Variants in AFG2A observed in about 807,000 individuals in gnomAD.
AFG2A encodes AAA ATPase AFG2A.
At chr4:123,045,510 C>A in the AFG2A span, among the ~76,000 whole-genome samples, 1 of 152,262 alleles carries the variant, frequency 6.6e-6, no homozygotes, top group South Asian at 2.1e-4. Flanking sequence ...CTTCAGTCTT[C>A]TTTACTTTAG....
At chr4:122,954,948 C>T in the AFG2A span, among the ~76,000 whole-genome samples, 1 of 152,080 alleles carries the variant, frequency 6.6e-6, no homozygotes, top group African/African-American at 2.4e-5. Context: ...TGATGGTCAG[C>T]CCGGGACCCC....
the AFG2A span, among the ~76,000 whole-genome samples, chr4:123,182,629 T>G: frequency 1.3e-5 from 2 of 152,212 alleles, no homozygotes; most frequent in African/African-American, 4.8e-5. Context: ...TTGCATTTGC[T>G]CCATTCCCTC....
the AFG2A span, among the ~76,000 whole-genome samples, chr4:123,155,080 G>A: frequency 2.1e-4 from 32 of 151,480 alleles, no homozygotes; most frequent in African/African-American, 7.5e-4. Context: ...CCCTATTTCT[G>A]TTTATTTGTT....
At chr4:123,041,957 T>C in the AFG2A span, among the ~76,000 whole-genome samples, 40 of 152,330 alleles carry the variant, frequency 2.6e-4, no homozygotes, top group Admixed American at 4.6e-4. Flanking sequence ...CTCATCTTAA[T>C]TGAATATGAT....
At chr4:122,998,565 G>A in the AFG2A span, among the ~76,000 whole-genome samples, 4 of 151,686 alleles carry the variant, frequency 2.6e-5, no homozygotes, top group Non-Finnish European at 4.4e-5. Flanking sequence ...TGCGGTGTTT[G>A]GTTTTTTCTC....
At chr4:122,979,087 G>C in the AFG2A span, 1 of 910,262 alleles carries the variant, frequency 1.1e-6, no homozygotes, top group Non-Finnish European at 1.6e-6. Flanking sequence ...CACTGGCTTC[G>C]TGGAGTATGC....
At chr4:123,131,624 G>A in the AFG2A span, among the ~76,000 whole-genome samples, 2 of 152,122 alleles carry the variant, frequency 1.3e-5, no homozygotes, top group African/African-American at 4.8e-5. Flanking sequence ...TTAGCATAAC[G>A]TCCTCAAGAT....
the AFG2A span, among the ~76,000 whole-genome samples, chr4:122,956,227 A>T: frequency 3.9e-5 from 6 of 152,362 alleles, no homozygotes; most frequent in Admixed American, 6.5e-5. Flanking sequence ...TACTGTGGTT[A>T]AATAGAAAAA....
At chr4:122,962,306 A>G in the AFG2A span, among the ~76,000 whole-genome samples, 4 of 152,050 alleles carry the variant, frequency 2.6e-5, no homozygotes, top group East Asian at 3.8e-4. Flanking sequence ...TTGTAGCTAG[A>G]TAAATAAGCA....
the AFG2A span, among the ~76,000 whole-genome samples, chr4:123,313,628 A>G: frequency 6.6e-6 from 1 of 152,230 alleles, no homozygotes; most frequent in Non-Finnish European, 1.5e-5. Flanking sequence ...AGCAAATGCC[A>G]CTTCTTAGAT....
At chr4:123,095,194 T>A in the AFG2A span, among the ~76,000 whole-genome samples, 4 of 151,436 alleles carry the variant, frequency 2.6e-5, no homozygotes, top group South Asian at 8.3e-4. Context: ...TATTCTGTAG[T>A]TATGGTGGGG....
At chr4:122,998,965 C>T in the AFG2A span, among the ~76,000 whole-genome samples, 3 of 151,992 alleles carry the variant, frequency 2.0e-5, no homozygotes, top group Non-Finnish European at 2.9e-5. Flanking sequence ...ACATCCTCTC[C>T]AGCACCTGTT....
At chr4:123,181,099 C>G in the AFG2A span, among the ~76,000 whole-genome samples, 1 of 151,896 alleles carries the variant, frequency 6.6e-6, no homozygotes, top group Admixed American at 6.6e-5. Flanking sequence ...ATTCTTCTGC[C>G]TCAGCCTCCC....
chr4:122,968,565 A>G, the AFG2A span, among the ~76,000 whole-genome samples: 17 of 152,166 alleles, frequency 1.1e-4, no homozygotes, highest in African/African-American at 4.1e-4. Context: ...TCATCATTTT[A>G]TTCTGCATAG....
the AFG2A span, among the ~76,000 whole-genome samples, chr4:123,015,368 T>G: frequency 6.6e-6 from 1 of 151,772 alleles, no homozygotes; most frequent in African/African-American, 2.4e-5. Flanking sequence ...TACTTGAGAT[T>G]AGGGAGTGGT....
the AFG2A span, among the ~76,000 whole-genome samples, chr4:122,987,209 C>A: frequency 5.3e-3 from 801 of 152,064 alleles, 7 homozygotes; most frequent in African/African-American, 0.018. Flanking sequence ...AAATAGCAAT[C>A]AAAATAGAGC....
chr4:123,090,246 AT>A, the AFG2A span, among the ~76,000 whole-genome samples: 2 of 152,336 alleles, frequency 1.3e-5, no homozygotes, highest in East Asian at 3.9e-4. Flanking sequence ...CATGTAGAAT[AT>A]AAACATTGAT....
At chr4:123,060,857 A>C in the AFG2A span, among the ~76,000 whole-genome samples, 5 of 152,118 alleles carry the variant, frequency 3.3e-5, no homozygotes, top group East Asian at 9.7e-4. Context: ...AAAATTCCAA[A>C]CTTTTATGCC....
chr4:123,293,454 G>A, the AFG2A span, among the ~76,000 whole-genome samples: 1 of 152,120 alleles, frequency 6.6e-6, no homozygotes, highest in Non-Finnish European at 1.5e-5. Context: ...CCTTCCCCTA[G>A]GAGTGACAGT....
Sources: allele counts gnomAD v4.1 joint callset (sites outside exome capture counted in the v4.1 genomes callset), GRCh38; gene constraint gnomAD v4.1.1; transcripts MANE v1.5; gene names NCBI Gene and HGNC (gene_info 2026-07-23, HGNC 2026-07-21).